Variants in CCDC7 observed in about 807,000 individuals in gnomAD.
The protein encoded by CCDC7 is coiled-coil domain-containing protein 7.
A neutral mutation model predicts 196.9 loss-of-function variants in CCDC7; 183 were observed. That is an observed-to-expected ratio of 0.93 (90% confidence interval 0.82 to 1.05). The LOEUF (loss-of-function observed/expected upper bound fraction) is 1.05, where lower values mean the gene tolerates loss of function less well. CCDC7 is among the 50% of genes least tolerant of loss of function. CCDC7 has a pLI of 0.00. For synonymous variants in CCDC7, 525 were observed against 484.6 expected, an observed-to-expected ratio of 1.08 and a Z score of -1.10; for missense variants, 1,540 against 1,482.2, an observed-to-expected ratio of 1.04 and a Z score of -0.64.
intron 16 of CCDC7, among the ~76,000 whole-genome samples, chr10:32,581,777 T>A (rs1278262173): frequency 6.6e-6 from 1 of 152,074 alleles, no homozygotes; most frequent in East Asian, 1.9e-4. Flanking sequence ...ATCAAGTGAT[T>A]AATGATGTCC....
intron 5 of CCDC7, among the ~76,000 whole-genome samples, chr10:32,465,359 A>G (rs1221238687): frequency 2.6e-5 from 4 of 152,092 alleles, no homozygotes; most frequent in African/African-American, 9.7e-5. Context: ...CAATCTATCC[A>G]GACTGAATTC....
intron 11 of CCDC7, among the ~76,000 whole-genome samples, chr10:32,522,181 C>T (rs2047979995): frequency 6.6e-6 from 1 of 152,162 alleles, no homozygotes; most frequent in South Asian, 2.1e-4. Context: ...CAGGGTAATG[C>T]TGGTCTTGTA....
intron 25 of CCDC7, among the ~76,000 whole-genome samples, chr10:32,717,740 C>T (rs149801057): frequency 0.053 from 8,081 of 151,814 alleles, 717 homozygotes; most frequent in African/African-American, 0.18. Flanking sequence ...CAGAGAATAC[C>T]GTAAACACCT....
At chr10:32,619,204 G>A (rs1010766480) in intron 18 of CCDC7, among the ~76,000 whole-genome samples, 2 of 151,946 alleles carry the variant, frequency 1.3e-5, no homozygotes, top group Admixed American at 6.6e-5. Context: ...AAATCCTAAA[G>A]CATCAAGTAA....
intron 20 of CCDC7, among the ~76,000 whole-genome samples, chr10:32,650,584 A>G (rs901292999): frequency 1.9e-4 from 29 of 152,152 alleles, no homozygotes; most frequent in African/African-American, 6.7e-4. Flanking sequence ...TTATGAATCA[A>G]CCTTGTGCAG....
chr10:32,806,421 A>G (rs937168139), intron 30 of CCDC7, among the ~76,000 whole-genome samples: 12 of 152,202 alleles, frequency 7.9e-5, no homozygotes, highest in Non-Finnish European at 1.8e-4. Context: ...TAGACTTAGC[A>G]GACAATGACT....
intron 9 of CCDC7, among the ~76,000 whole-genome samples, chr10:32,507,716 C>G (rs1175171120): frequency 1.3e-5 from 2 of 152,174 alleles, no homozygotes; most frequent in Non-Finnish European, 2.9e-5. Flanking sequence ...TCCCAAAGTG[C>G]TGTGATTGCA....
exon 19 of CCDC7, chr10:32,634,356 G>C (rs543253049): frequency 8.9e-7 from 1 of 1,117,508 alleles, no homozygotes; most frequent in African/African-American, 1.6e-5. Context: ...AGTATGGAAA[G>C]ACATGAGGGT....
chr10:32,861,620 A>C (rs2136497663), intron 41 of CCDC7, among the ~76,000 whole-genome samples: 1 of 152,356 alleles, frequency 6.6e-6, no homozygotes, highest in Non-Finnish European at 1.5e-5. Context: ...AACTATCATC[A>C]TAGTGAACAG....
At chr10:32,709,758 A>G (rs1403960766) in intron 24 of CCDC7, among the ~76,000 whole-genome samples, 2 of 152,154 alleles carry the variant, frequency 1.3e-5, no homozygotes, top group Non-Finnish European at 2.9e-5. Context: ...AGATTATTTC[A>G]CTGACCAATT....
chr10:32,806,355 GAC>G (rs1296331446), intron 30 of CCDC7, among the ~76,000 whole-genome samples: 1 of 152,092 alleles, frequency 6.6e-6, no homozygotes, highest in Admixed American at 6.5e-5. Context: ...AAGAAAGTAT[GAC>G]CCATACACAG....
intron 11 of CCDC7, among the ~76,000 whole-genome samples, chr10:32,530,748 A>G (rs2049513440): frequency 6.6e-6 from 1 of 151,754 alleles, no homozygotes; most frequent in Non-Finnish European, 1.5e-5. Context: ...GATTCCCTTT[A>G]TTTCTTTTTG....
chr10:32,542,749 T>G (rs2051701841), intron 11 of CCDC7, among the ~76,000 whole-genome samples: 1 of 151,966 alleles, frequency 6.6e-6, no homozygotes, highest in Non-Finnish European at 1.5e-5. Context: ...TTTCAGATAA[T>G]TTCCTTCCAC....
chr10:32,613,642 A>G (rs2062436131), intron 18 of CCDC7, among the ~76,000 whole-genome samples: 1 of 151,998 alleles, frequency 6.6e-6, no homozygotes, highest in South Asian at 2.1e-4. Flanking sequence ...CCAAGAACTT[A>G]TTTATTTCTG....
intron 13 of CCDC7, among the ~76,000 whole-genome samples, chr10:32,546,178 A>G (rs2052432394): frequency 6.6e-6 from 1 of 152,216 alleles, no homozygotes; most frequent in African/African-American, 2.4e-5. Context: ...GGATTCTGTA[A>G]GGGAATCTTT....
rs560088433 is a variant in CCDC7, at chr10:32,761,874, G to T, written c.2906-17103G>T. Among the ~76,000 whole-genome samples, 217 of 152,106 alleles carry T rather than the reference G, an allele frequency of 1.4e-3. 1 individual carries two copies. Among genetic ancestry groups the T allele is most frequent in the African/African-American group, 5.0e-3 (206 of 41,542 alleles). The stretch of plus-strand genomic sequence containing the variant: ...CTCCTTGCCTTTGGAAGCAGAATTT[G>T]TAGAGACTGATGTCAGCAACATGGT... On this transcript the variant is annotated intron_variant, in intron 28 of 41. Transcript: ENST00000639629.
chr10:32,828,507 G>T (rs2091677879), intron 32 of CCDC7, among the ~76,000 whole-genome samples: 2 of 139,352 alleles, frequency 1.4e-5, no homozygotes, highest in South Asian at 4.6e-4. Flanking sequence ...AGAAGAAGAA[G>T]AAGAAGAAGA....
chr10:32,655,400 G>A (rs927403006), intron 20 of CCDC7, among the ~76,000 whole-genome samples: 3 of 152,028 alleles, frequency 2.0e-5, no homozygotes, highest in Non-Finnish European at 2.9e-5. Context: ...TATCTTTTGC[G>A]TTTTTCATTA....
At chr10:32,603,037 A>T (rs1395707856) in intron 18 of CCDC7, among the ~76,000 whole-genome samples, 3 of 152,192 alleles carry the variant, frequency 2.0e-5, no homozygotes, top group African/African-American at 7.2e-5. Context: ...GTGCTATCAC[A>T]CACTAGAGCT....
Sources: allele counts gnomAD v4.1 joint callset (sites outside exome capture counted in the v4.1 genomes callset), GRCh38; gene constraint gnomAD v4.1.1; transcripts MANE v1.5; gene names NCBI Gene and HGNC (gene_info 2026-07-23, HGNC 2026-07-21).